Variants in BRCA2 observed in about 807,000 individuals in gnomAD.
BRCA2 encodes the protein BRCA2 DNA repair associated, also known as breast cancer type 2 susceptibility protein.
BRCA2 carries 203 observed loss-of-function variants against 276.7 expected under a neutral mutation model. The observed-to-expected ratio is 0.73, with a 90% CI of 0.65 to 0.82. The LOEUF (loss-of-function observed/expected upper bound fraction) is 0.82, where lower values mean the gene tolerates loss of function less well. Among genes scored for constraint, BRCA2 ranks in the 40% least tolerant of loss-of-function variants. BRCA2 has a pLI of 0.00. For synonymous variants in BRCA2, 1,289 were observed against 1,338.4 expected (o/e 0.96, Z 0.81); for missense variants, 3,920 against 3,915.0 (o/e 1.00, Z -0.03).
At chr13:32,363,662 A>G (rs1350707904) in intron 18 of BRCA2, 129 bp downstream of exon 18, 6 of 905,920 alleles carry the variant, frequency 6.6e-6, no homozygotes, top group African/African-American at 5.0e-5. Context: ...TTTTAGTATA[A>G]AAAGCATATT....
At chr13:32,390,887 C>T (rs2072992387) in intron 24 of BRCA2, among the ~76,000 whole-genome samples, 1 of 152,160 alleles carries the variant, frequency 6.6e-6, no homozygotes. Flanking sequence ...ATACGGTCCT[C>T]ATAGTCACAC....
chr13:32,397,097 C>T (rs2137660162), intron 26 of BRCA2, 53 bp downstream of exon 26: 5 of 1,567,394 alleles, frequency 3.2e-6, no homozygotes, highest in South Asian at 1.1e-5. Context: ...TGGAGGCCAT[C>T]GTATATTCTG....
At chr13:32,393,949 C>G (rs2073015582) in intron 24 of BRCA2, among the ~76,000 whole-genome samples, 1 of 152,148 alleles carries the variant, frequency 6.6e-6, no homozygotes, top group Non-Finnish European at 1.5e-5. Context: ...CACCCTGTTC[C>G]TTTAGTTTCT....
chr13:32,330,360 G>A lies in BRCA2; in HGVS notation c.682-559G>A, dbSNP rs144864139. Reference sequence around the variant, plus strand: ...TAGATTTGTTCTTACCATAGATGTCGCAGTACAATTTTTTTCCTTTCCTTA... The same window carrying A: ...TAGATTTGTTCTTACCATAGATGTCACAGTACAATTTTTTTCCTTTCCTTA... On this transcript the variant is annotated intron_variant, in intron 8 of 26. Coordinates refer to ENST00000380152, the MANE Select transcript of BRCA2 (RefSeq NM_000059.4). 8.3e-3 allele frequency among the ~76,000 whole-genome samples: 1,261 copies of A among 152,228 alleles called. 11 individuals carry two copies. The highest frequency in any genetic ancestry group is 0.014 in the Middle Eastern group (4 of 292).
intron 9 of BRCA2, among the ~76,000 whole-genome samples, chr13:32,331,289 C>A (rs2072390001): frequency 6.6e-6 from 1 of 152,140 alleles, no homozygotes; most frequent in African/African-American, 2.4e-5. Context: ...CGTGAGCCAC[C>A]ATGCCCAGCC....
chr13:32,342,869 A>G (rs1396955402), intron 11 of BRCA2, among the ~76,000 whole-genome samples: 2 of 152,088 alleles, frequency 1.3e-5, no homozygotes, highest in Admixed American at 1.3e-4. Context: ...AACATGGTAA[A>G]ACCTTGTCTC....
intron 13 of BRCA2, among the ~76,000 whole-genome samples, chr13:32,353,278 C>A (rs2072664373): frequency 6.6e-6 from 1 of 152,154 alleles, no homozygotes; most frequent in Non-Finnish European, 1.5e-5. Context: ...TCACTTATCT[C>A]TTTGAGTACT....
rs747516635 is a variant in BRCA2 at position 32,338,765 on chromosome 13, A to G, written c.4410A>G (p.Ile1470Met). Residue 1470 changes from isoleucine to methionine, a missense_variant, in exon 11 of 27, where the codon ATA (isoleucine) becomes ATG (methionine). Physicochemically the swap from Ile to Met is conservative, Grantham distance 10. This residue lies in a region of BRCA2 where 3,263 missense variants were observed against 3,156.9 expected (regional missense o/e 1.03). Transcript: ENST00000380152. ...FSLNSELHSD[I>M]RKNKMDILSY... is the part of the protein sequence containing the mutation. ...TAAATTCTGAATTACATTCTGACAT[A>G]AGAAAGAACAAAATGGACATTCTAA... is the stretch of plus-strand genomic sequence containing the variant. The G allele has an allele frequency of 6.2e-7, 1 of 1,610,268 alleles. No individual in the cohort carries two copies. Among genetic ancestry groups the G allele is most frequent in the Middle Eastern group, 1.7e-4 (1 of 6,048 alleles).
Position 32,320,188 on chromosome 13 carries a change from A to C in BRCA2, c.316+863A>C, listed in dbSNP as rs555027263. 2.1e-4 allele frequency among the ~76,000 whole-genome samples: 32 copies of C among 152,376 alleles called. 1 individual carries two copies. The South Asian group carries it at 6.4e-3, about 31-fold the overall frequency. Reference sequence around the variant, plus strand: ...GCAAAAAGGCAGACTAAAGGCAGGCATTGAATGCCAAGCTAAAGAAATTGA... The same window carrying C: ...GCAAAAAGGCAGACTAAAGGCAGGCCTTGAATGCCAAGCTAAAGAAATTGA... On this transcript the variant is annotated intron_variant, in intron 3 of 26. Transcript: ENST00000380152.
intron 2 of BRCA2, among the ~76,000 whole-genome samples, chr13:32,316,860 G>A (rs578176863): frequency 2.4e-4 from 37 of 152,244 alleles, no homozygotes; most frequent in African/African-American, 7.5e-4. Flanking sequence ...TAGGACCCCC[G>A]GAGTGCTTTT....
In BRCA2 at chr13:32,336,893, A is replaced by C. The variant is rs11571654; in HGVS notation, c.2538A>C (p.Ser846=). The change falls in exon 11 of 27, where the codon TCA becomes TCC. Residue 846 remains serine, a synonymous_variant. Coordinates refer to ENST00000380152, the MANE Select transcript of BRCA2 (RefSeq NM_000059.4). ...PEKYMRVASP[S]RKVQFNQNTN... ...AATACATGAGAGTAGCATCACCTTC[A>C]AGAAAGGTACAATTCAACCAAAACA... is the stretch of plus-strand genomic sequence containing the variant. The C allele has an allele frequency of 3.5e-4, 568 of 1,609,690 alleles. 11 individuals are homozygous for C. The South Asian group carries it at 5.0e-3, about 14-fold the overall frequency.
intron 1 of BRCA2, among the ~76,000 whole-genome samples, chr13:32,316,009 G>A (rs944859180): frequency 1.5e-4 from 23 of 152,140 alleles, no homozygotes; most frequent in Non-Finnish European, 2.9e-4. Context: ...TGCTGTTTTG[G>A]GGAAGTGTTT....
chr13:32,340,777 G>T lies in BRCA2; in HGVS notation c.6422G>T (p.Gly2141Val), dbSNP rs756885337. The T allele has an allele frequency of 6.3e-7, 1 of 1,594,530 alleles. No individual in the cohort carries two copies. Among genetic ancestry groups the T allele is most frequent in the South Asian group, 1.2e-5 (1 of 86,900 alleles). ...TCAAATAACTTAAATGTTGAAGGTG[G>T]TTCTTCAGAAAATAATCACTCTATT... ...KLSNNLNVEG[G>V]SSENNHSIKV... The change falls in exon 11 of 27, where the codon GGT becomes GTT. Residue 2141 changes from glycine (G) to valine (V), a missense_variant. Physicochemically the swap from Gly to Val is moderately radical, Grantham distance 109 (BLOSUM62 -3). Transcript: ENST00000380152.
rs398122750 is a variant in BRCA2, at chr13:32,337,009, A to T, written c.2654A>T (p.Asp885Val). ...CCAGACTCTGAAGAACTTTTCTCAG[A>T]CAATGAGAATAATTTTGTCTTCCAA... Reference protein sequence around the residue: ...VNPDSEELFSDNENNFVFQVA... With the variant: ...VNPDSEELFSVNENNFVFQVA... Residue 885 changes from aspartate (D) to valine (V), a missense_variant, in exon 11 of 27, where the codon GAC becomes GTC. Coordinates refer to ENST00000380152, the MANE Select transcript of BRCA2 (RefSeq NM_000059.4). 1.3e-6 allele frequency: 2 copies of T among 1,590,260 alleles called. No homozygotes were observed. The highest frequency in any genetic ancestry group is 1.7e-6 in the Non-Finnish European group (2 of 1,172,554).
Position 32,340,901 on chromosome 13 carries a change from A to G in BRCA2, c.6546A>G (p.Lys2182=), listed in dbSNP as rs955328603. Residue 2182 remains lysine, a synonymous_variant, in exon 11 of 27, where the codon AAA becomes AAG. Coordinates refer to ENST00000380152, the MANE Select transcript of BRCA2 (RefSeq NM_000059.4). ...SLVENIHVLG[K]EQASPKNVKM... ...TTGAGAACATTCATGTTTTGGGAAA[A>G]GAACAGGCTTCACCTAAAAACGTAA... 1 of 1,607,472 alleles carries G rather than the reference A, an allele frequency of 6.2e-7. No homozygotes were observed. The highest frequency in any genetic ancestry group is 1.3e-5 in the African/African-American group (1 of 74,430).
chr13:32,384,730 A>G, intron 24 of BRCA2: 1 of 246,734 alleles, frequency 4.1e-6, no homozygotes. Flanking sequence ...TTTACATGGG[A>G]GGTATCAATT....
chr13:32,373,852 C>T (rs531892939), intron 20 of BRCA2, among the ~76,000 whole-genome samples: 36 of 152,364 alleles, frequency 2.4e-4, no homozygotes, highest in African/African-American at 7.7e-4. Context: ...GTTTCCCTCC[C>T]GGTTTCCCTC....
intron 24 of BRCA2, among the ~76,000 whole-genome samples, chr13:32,392,758 T>C (rs1291306489): frequency 1.3e-5 from 2 of 152,170 alleles, no homozygotes; most frequent in South Asian, 2.1e-4. Context: ...AGTGGTATAA[T>C]TATTACCCAT....
intron 14 of BRCA2, 112 bp from the exon 15 acceptor site, chr13:32,356,316 C>T (rs1447404631): frequency 2.3e-5 from 24 of 1,066,594 alleles, no homozygotes; most frequent in East Asian, 7.6e-5. Flanking sequence ...ATGATCTGCC[C>T]GCCTCAGCCT....
Sources: allele counts gnomAD v4.1 joint callset (sites outside exome capture counted in the v4.1 genomes callset), GRCh38; gene constraint gnomAD v4.1.1; regional missense constraint gnomAD v4.1.1; transcripts MANE v1.5; gene names NCBI Gene and HGNC (gene_info 2026-07-23, HGNC 2026-07-21).